KCTD19: variants seen among roughly 807,000 people sequenced by gnomAD.
The protein encoded by KCTD19 is potassium channel tetramerization domain containing 19, also known as BTB/POZ domain-containing protein KCTD19.
Under a neutral mutation model 103.5 loss-of-function variants are expected in KCTD19, and 67 were observed. The ratio of observed to expected loss-of-function variants is 0.65; its 90% CI spans 0.53 to 0.79. The LOEUF is 0.79. Among genes scored for constraint, KCTD19 ranks in the 30% least tolerant of loss-of-function variants. The pLI is 0.00. For missense variants in KCTD19, 980 were observed against 1,136.1 expected, an observed-to-expected ratio of 0.86 and a Z score of 1.98; for synonymous variants, 439 against 452.2, an observed-to-expected ratio of 0.97 and a Z score of 0.37.
intron 15 of KCTD19, 25 bp downstream of exon 15, chr16:67,290,860 C>A: frequency 1.9e-6 from 3 of 1,592,612 alleles, no homozygotes; most frequent in Middle Eastern, 2.0e-4. Flanking sequence ...TCGGTGGATT[C>A]CCAGGGATTG....
chr16:67,303,121 A>T lies in KCTD19; in HGVS notation c.643+25T>A. On this transcript the variant is annotated intron_variant, in intron 4 of 15. Transcript: ENST00000304372. This position sits in a 1 kb window ranked among gnomAD's most constrained non-coding sequence, Gnocchi z 4.3. ...AATGGGCCCTATCAGCCCGCCCCCC[A>T]CCCCACCCCGGACAGAGCAATCACC... 7.7e-6 allele frequency: 3 copies of T among 391,414 alleles called. No individual in the cohort carries two copies. The highest frequency in any genetic ancestry group is 2.1e-5 in the South Asian group (1 of 46,794). The allele number at this position is 391,414 out of a possible 1,614,324, so 24.2% of individuals were successfully genotyped here. A position where few individuals can be genotyped will look rare whatever the true frequency, so the allele number is the denominator to read the frequency against.
intron 11 of KCTD19, among the ~76,000 whole-genome samples, 159 bp downstream of exon 11, chr16:67,294,421 C>T (rs529182100): frequency 1.8e-4 from 28 of 152,332 alleles, no homozygotes; most frequent in Admixed American, 3.9e-4. Context: ...CCTGTGCCTC[C>T]TTCACGGTTC....
intron 2 of KCTD19, chr16:67,305,638 CA>C (rs1355332863): frequency 2.2e-6 from 1 of 455,172 alleles, no homozygotes; most frequent in Admixed American, 2.4e-5. Context: ...ATCATAACAT[CA>C]GCACCCCCTC....
At position 67,293,853 on chromosome 16, in the gene KCTD19, A is replaced by C. The variant is rs1045118742; in HGVS notation, c.1909T>G (p.Ser637Ala). 6.2e-7 allele frequency: 1 copy of C among 1,613,900 alleles called. No homozygotes were observed. Among genetic ancestry groups the C allele is most frequent in the Non-Finnish European group, 8.5e-7 (1 of 1,179,996 alleles). ...PPATPMQKLI[S>A]LVREWDMVNC... is the part of the protein sequence containing the mutation. ...ACCATGTCCCATTCTCTCACCAGGG[A>C]GATGAGTTTTTGCATGGGAGTGGCG... is the stretch of plus-strand genomic sequence containing the variant. Residue 637 changes from serine to alanine, a missense_variant, in exon 12 of 16, where the codon TCC (serine) becomes GCC (alanine). Coordinates refer to ENST00000304372, the MANE Select transcript of KCTD19 (RefSeq NM_001100915.3). This position sits in a 1 kb window ranked among gnomAD's most constrained non-coding sequence, Gnocchi z 4.0.
At chr16:67,310,073 C>G (rs1201543353) in intron 2 of KCTD19, among the ~76,000 whole-genome samples, 3 of 152,234 alleles carry the variant, frequency 2.0e-5, no homozygotes, top group African/African-American at 4.8e-5. Flanking sequence ...AAGGCTGTTT[C>G]CCGAACTCTG....
chr16:67,304,866 C>T (rs1343936690), intron 2 of KCTD19, among the ~76,000 whole-genome samples: 3 of 152,062 alleles, frequency 2.0e-5, no homozygotes, highest in African/African-American at 7.2e-5. Flanking sequence ...CAGAGTTTCA[C>T]CATGTTGGCC....
At position 67,290,891 on chromosome 16, in the gene KCTD19, CCAG is replaced by C; in HGVS notation, c.2658_2660del (p.Ser886_Trp887delinsArg). On this transcript the variant is annotated inframe_deletion, in exon 15 of 16. Transcript: ENST00000304372. ...GATTGCAAGTGGCCCTCACCTCCAC[CCAG>C]CTGTACAGGCGCTCCTGGGTGTGCC... 6.2e-7 allele frequency: 1 copy of C among 1,612,458 alleles called. No individual in the cohort carries two copies. Among genetic ancestry groups the C allele is most frequent in the South Asian group, 1.1e-5 (1 of 90,802 alleles).
intron 6 of KCTD19, among the ~76,000 whole-genome samples, chr16:67,298,474 T>C (rs1338050231): frequency 6.6e-6 from 1 of 152,128 alleles, no homozygotes; most frequent in African/African-American, 2.4e-5. Flanking sequence ...GCTCCCTTCT[T>C]GCCTCATACG....
rs920389391 is a variant in KCTD19, at chr16:67,292,969, C to T, written c.2218+575G>A. 2.6e-5 allele frequency among the ~76,000 whole-genome samples: 4 copies of T among 152,272 alleles called. No individual in the cohort carries two copies. The East Asian group carries it at 5.8e-4, about 22-fold the overall frequency. Reference sequence around the variant, plus strand: ...CCACTACCTGCCTAGCCTGCTTCCCCTAGCCTAGAAAGAACTCCAAGTGGC... The same window carrying T: ...CCACTACCTGCCTAGCCTGCTTCCCTTAGCCTAGAAAGAACTCCAAGTGGC... On this transcript the variant is annotated intron_variant, in intron 12 of 15. Transcript: ENST00000304372.
At position 67,295,368 on chromosome 16, in the gene KCTD19, C is replaced by T. The variant is rs1365617976; in HGVS notation, c.1286G>A (p.Trp429Ter). 6.2e-7 allele frequency: 1 copy of T among 1,613,860 alleles called. No individual in the cohort carries two copies. Among genetic ancestry groups the T allele is most frequent in the African/African-American group, 1.3e-5 (1 of 74,906 alleles). The change falls in exon 9 of 16, where the codon TGG (tryptophan) becomes TAG (stop). Residue 429 changes from tryptophan (W) to a stop codon, truncating the protein, a stop_gained. Coordinates refer to ENST00000304372, the MANE Select transcript of KCTD19 (RefSeq NM_001100915.3). LOFTEE classifies it high-confidence loss of function. ...GAGCAGGGTTTGTCCATATGTGATC[C>T]AGTACACTCTCTGAGGGTTGGACAG... is the stretch of plus-strand genomic sequence containing the variant. ...ELLSNPQRVY[W>*]ITYGQTLLIH...
intron 2 of KCTD19, among the ~76,000 whole-genome samples, chr16:67,317,044 A>T (rs2037020003): frequency 6.6e-6 from 1 of 152,240 alleles, no homozygotes; most frequent in African/African-American, 2.4e-5. Context: ...CTTAGTTAGC[A>T]GGAGGCAAAG....
At chr16:67,294,728 G>A in intron 10 of KCTD19, 34 bp from the exon 11 acceptor site, 1 of 1,466,266 alleles carries the variant, frequency 6.8e-7, no homozygotes, top group Non-Finnish European at 9.6e-7. Context: ...TTAGTGAGTA[G>A]AGACTTCCAT....
intron 2 of KCTD19, among the ~76,000 whole-genome samples, chr16:67,319,403 T>C (rs2037047832): frequency 1.3e-5 from 2 of 152,084 alleles, no homozygotes; most frequent in Non-Finnish European, 2.9e-5. Flanking sequence ...TGAGGCACAG[T>C]TGGTGGTACA....
intron 2 of KCTD19, among the ~76,000 whole-genome samples, chr16:67,306,937 G>A (rs1567451771): frequency 1.3e-5 from 2 of 152,066 alleles, no homozygotes; most frequent in Non-Finnish European, 2.9e-5. Flanking sequence ...TGAGCACATG[G>A]GAAGCTAGGT....
In KCTD19 at chr16:67,291,812, C is replaced by T; in HGVS notation, c.2244G>A (p.Leu748=). Residue 748 remains leucine (L), a synonymous_variant, in exon 13 of 16, where the codon CTG becomes CTA. Coordinates refer to ENST00000304372, the MANE Select transcript of KCTD19 (RefSeq NM_001100915.3). ...ERESPAPEQP[L]PEASEVDSLG... is the part of the protein sequence containing the mutation. ...GGCTGTCCACCTCACTGGCCTCGGGCAGAGGCTGCTCAGGGGCAGGGCTTT... is the reference window on the plus strand; with the variant it reads ...GGCTGTCCACCTCACTGGCCTCGGGTAGAGGCTGCTCAGGGGCAGGGCTTT... 3 of 1,610,802 alleles carry T rather than the reference C, an allele frequency of 1.9e-6. No individual in the cohort carries two copies. Among genetic ancestry groups the T allele is most frequent in the Non-Finnish European group, 2.5e-6 (3 of 1,177,856 alleles).
In KCTD19 at chr16:67,296,146, A is replaced by G. The variant is rs757854460; in HGVS notation, c.1248+13T>C. 1.9e-6 allele frequency: 3 copies of G among 1,544,020 alleles called. No individual in the cohort carries two copies. In the South Asian group the frequency reaches 3.3e-5, roughly 17 times the overall value. On this transcript the variant is annotated intron_variant, in intron 8 of 15. Transcript: ENST00000304372. Reference sequence around the variant, plus strand: ...TGCCAGATGGGGAGCAGGGCAGCCGAGGCCGTCAGTACCTTCAGCAGTGTC... The same window carrying G: ...TGCCAGATGGGGAGCAGGGCAGCCGGGGCCGTCAGTACCTTCAGCAGTGTC...
intron 2 of KCTD19, among the ~76,000 whole-genome samples, chr16:67,313,132 CAG>C (rs1167844336): frequency 2.7e-5 from 4 of 148,678 alleles, no homozygotes; most frequent in African/African-American, 1.0e-4. Flanking sequence ...TTTTTTGAGA[CAG>C]AGTCTCCCTC....
chr16:67,326,593 C>T (rs191590788), intron 1 of KCTD19, 112 bp downstream of exon 1: 1 of 1,441,868 alleles, frequency 6.9e-7, no homozygotes, highest in Non-Finnish European at 9.3e-7. Context: ...CCCTCGCTCT[C>T]TCCCATGCCC....
At chr16:67,305,708 C>G in intron 2 of KCTD19, 1 of 409,168 alleles carries the variant, frequency 2.4e-6, no homozygotes, top group South Asian at 1.7e-5. Context: ...CAATAAATTT[C>G]CGGATATAGC....
Sources: gnomAD v4.1 joint callset for allele counts (sites outside exome capture counted in the v4.1 genomes callset) on GRCh38, gnomAD v4.1.1 for gene constraint, Gnocchi (gnomAD v3.1) non-coding constraint, MANE v1.5 for transcripts, NCBI Gene and HGNC (gene_info 2026-07-23, HGNC 2026-07-21) for gene names.